INPP4B: variants seen among roughly 807,000 people sequenced by gnomAD.
The protein encoded by INPP4B is inositol polyphosphate-4-phosphatase type II B.
In INPP4B, 55 loss-of-function variants were observed where a neutral mutation model predicts 122.5. The ratio of observed to expected loss-of-function variants is 0.45; its 90% confidence interval spans 0.36 to 0.56. The LOEUF is 0.56. Among genes scored for constraint, INPP4B ranks in the 20% least tolerant of loss-of-function variants. The pLI is 0.00. For synonymous variants in INPP4B, 403 were observed against 388.7 expected (o/e 1.04, Z -0.43); for missense variants, 1,000 against 1,097.7 (o/e 0.91, Z 1.26).
At chr4:142,332,808 A>C (rs927910378) in intron 7 of INPP4B, among the ~76,000 whole-genome samples, 2 of 150,844 alleles carry the variant, frequency 1.3e-5, no homozygotes, top group Non-Finnish European at 3.0e-5. Flanking sequence ...ATCGAGACCA[A>C]CCTGGCTAAC....
At chr4:142,821,933 AG>A (rs1780844221) in intron 1 of INPP4B, among the ~76,000 whole-genome samples, 1 of 152,178 alleles carries the variant, frequency 6.6e-6, no homozygotes, top group Admixed American at 6.5e-5. Context: ...ATTTTGTGGA[AG>A]AAAAATTAGA....
chr4:142,346,076 GA>G (rs1411004526), intron 7 of INPP4B, among the ~76,000 whole-genome samples: 1 of 151,994 alleles, frequency 6.6e-6, no homozygotes, highest in Non-Finnish European at 1.5e-5. Flanking sequence ...TTGTAGAAAG[GA>G]ACACACAGTG....
chr4:142,448,949 C>A (rs1395729600), intron 3 of INPP4B, among the ~76,000 whole-genome samples: 3 of 152,084 alleles, frequency 2.0e-5, no homozygotes, highest in East Asian at 3.8e-4. Flanking sequence ...GACCCCTGAC[C>A]AGGCAGAAGA....
chr4:142,123,218 T>C, intron 20 of INPP4B, 74 bp downstream of exon 20: 1 of 1,273,176 alleles, frequency 7.9e-7, no homozygotes, highest in Non-Finnish European at 1.1e-6. Flanking sequence ...TTTTATGTTT[T>C]CTTGAAAAAT....
At chr4:142,403,577 A>G (rs892023251) in intron 6 of INPP4B, among the ~76,000 whole-genome samples, 4 of 152,160 alleles carry the variant, frequency 2.6e-5, no homozygotes, top group Admixed American at 2.0e-4. Context: ...AAAACTAATG[A>G]AAGAAACTCT....
rs538015865 is a variant in INPP4B, at chr4:142,315,035, C to A, written c.373-273G>T. Among the ~76,000 whole-genome samples, 13 of 152,238 alleles carry A rather than the reference C, an allele frequency of 8.5e-5. No homozygotes were observed. The South Asian group carries it at 2.3e-3, about 27-fold the overall frequency. Reference sequence around the variant, plus strand: ...GATTTAGGCAGATCTCTTTAATCTCCTAAAAAGGCAATCTTCATTCAACAT... The same window carrying A: ...GATTTAGGCAGATCTCTTTAATCTCATAAAAAGGCAATCTTCATTCAACAT... On this transcript the variant is annotated intron_variant, in intron 7 of 25. Transcript: ENST00000262992.
chr4:142,616,627 G>A (rs1168796426), intron 2 of INPP4B, among the ~76,000 whole-genome samples: 2 of 152,098 alleles, frequency 1.3e-5, no homozygotes, highest in Non-Finnish European at 2.9e-5. Context: ...CTTGAAAGCT[G>A]AAGATGTTGA....
intron 2 of INPP4B, among the ~76,000 whole-genome samples, chr4:142,564,894 C>T (rs1580380677): frequency 6.6e-6 from 1 of 152,072 alleles, no homozygotes; most frequent in African/African-American, 2.4e-5. Flanking sequence ...CTGGTATGGA[C>T]AAAATATATA....
chr4:142,546,013 A>G (rs976448151), intron 2 of INPP4B, among the ~76,000 whole-genome samples: 5 of 151,684 alleles, frequency 3.3e-5, no homozygotes, highest in East Asian at 1.9e-4. Context: ...TGTTTTTTGT[A>G]TAGATTATTT....
chr4:142,742,547 A>G (rs1768056681), intron 1 of INPP4B, among the ~76,000 whole-genome samples: 1 of 152,014 alleles, frequency 6.6e-6, no homozygotes. Flanking sequence ...TGTAGAAAAA[A>G]TATAGTCTTA....
intron 23 of INPP4B, chr4:142,096,160 G>A (rs1457812104): frequency 6.6e-6 from 1 of 152,120 alleles, no homozygotes; most frequent in Non-Finnish European, 1.5e-5. Flanking sequence ...CTGGTATACT[G>A]GGAGGCCAGC....
intron 25 of INPP4B, among the ~76,000 whole-genome samples, chr4:142,060,362 T>C (rs537961986): frequency 2.0e-5 from 3 of 152,298 alleles, no homozygotes; most frequent in East Asian, 1.9e-4. Context: ...TTATATTTCA[T>C]TGTACAGTAT....
At chr4:142,817,491 T>A (rs1371771592) in intron 1 of INPP4B, among the ~76,000 whole-genome samples, 1 of 152,136 alleles carries the variant, frequency 6.6e-6, no homozygotes, top group Non-Finnish European at 1.5e-5. Flanking sequence ...GCATCAGACC[T>A]TTCCCAGCTC....
intron 1 of INPP4B, among the ~76,000 whole-genome samples, chr4:142,809,708 G>A (rs1195851304): frequency 1.3e-5 from 2 of 152,120 alleles, no homozygotes; most frequent in African/African-American, 4.8e-5. Flanking sequence ...AGTGGTGAAT[G>A]TTGCATAAGT....
At chr4:142,467,427 T>C in intron 2 of INPP4B, among the ~76,000 whole-genome samples, 1 of 152,220 alleles carries the variant, frequency 6.6e-6, no homozygotes, top group East Asian at 1.9e-4. Context: ...CTGACTTGTG[T>C]GGGGCCTATT....
chr4:142,450,178 G>A (rs1190210846), intron 3 of INPP4B, among the ~76,000 whole-genome samples: 1 of 152,036 alleles, frequency 6.6e-6, no homozygotes, highest in Non-Finnish European at 1.5e-5. Context: ...CCAACTCTTG[G>A]CACCCCACTC....
chr4:142,044,621 AAC>A (rs1292634856), intron 25 of INPP4B, among the ~76,000 whole-genome samples: 1 of 152,128 alleles, frequency 6.6e-6, no homozygotes, highest in Non-Finnish European at 1.5e-5. Flanking sequence ...AAGAAAAAAA[AAC>A]ACACAGAACC....
intron 2 of INPP4B, among the ~76,000 whole-genome samples, chr4:142,659,624 A>G (rs1580649515): frequency 6.6e-6 from 1 of 152,146 alleles, no homozygotes; most frequent in African/African-American, 2.4e-5. Flanking sequence ...TCTAGTTCTG[A>G]GTAATTATCC....
intron 2 of INPP4B, among the ~76,000 whole-genome samples, chr4:142,721,750 G>A (rs1214392054): frequency 1.3e-5 from 2 of 152,082 alleles, no homozygotes; most frequent in African/African-American, 4.8e-5. Context: ...GAACCCGGGA[G>A]GCAGAGATTG....
Sources: gnomAD v4.1 joint callset for allele counts (sites outside exome capture counted in the v4.1 genomes callset) on GRCh38, gnomAD v4.1.1 for gene constraint, MANE v1.5 for transcripts, NCBI Gene and HGNC (gene_info 2026-07-23, HGNC 2026-07-21) for gene names.